Variants in ITGAM observed in about 807,000 individuals in gnomAD.
ITGAM encodes integrin subunit alpha M.
ITGAM carries 79 observed loss-of-function variants against 137.5 expected under a neutral mutation model. The observed-to-expected ratio is 0.57, with a 90% confidence interval of 0.48 to 0.69. The LOEUF is 0.69. Ranked by LOEUF, ITGAM falls within the 30% of genes least tolerant of loss-of-function variation. ITGAM has a pLI of 0.00. For synonymous variants in ITGAM, 583 were observed against 592.3 expected, an observed-to-expected ratio of 0.98 and a Z score of 0.23; for missense variants, 1,343 against 1,483.5, an observed-to-expected ratio of 0.91 and a Z score of 1.56.
At chr16:31,275,211 G>A (rs529622625) in intron 8 of ITGAM, among the ~76,000 whole-genome samples, 9 of 152,106 alleles carry the variant, frequency 5.9e-5, no homozygotes, top group Non-Finnish European at 1.3e-4. Flanking sequence ...GACACAGAAA[G>A]CGATATCACC....
chr16:31,261,226 A>C (rs1344954349), intron 1 of ITGAM, among the ~76,000 whole-genome samples: 1 of 141,534 alleles, frequency 7.1e-6, no homozygotes, highest in Non-Finnish European at 1.5e-5. Context: ...TTTTTGATAC[A>C]GGGTCTTTCT....
chr16:31,271,322 G>A (rs1207896981), intron 6 of ITGAM, among the ~76,000 whole-genome samples: 1 of 152,126 alleles, frequency 6.6e-6, no homozygotes, highest in Non-Finnish European at 1.5e-5. Flanking sequence ...TGAAGCCCAC[G>A]TGTCATTGCT....
intron 22 of ITGAM, among the ~76,000 whole-genome samples, chr16:31,327,837 G>A (rs1189894927): frequency 6.6e-6 from 1 of 152,070 alleles, no homozygotes; most frequent in Non-Finnish European, 1.5e-5. Flanking sequence ...TTTGGGATTT[G>A]CAGTTTCGCC....
At chr16:31,311,611 C>A (rs899810729) in intron 14 of ITGAM, among the ~76,000 whole-genome samples, 1 of 152,114 alleles carries the variant, frequency 6.6e-6, no homozygotes, top group South Asian at 2.1e-4. Flanking sequence ...GTTAGAATGG[C>A]AATCATTAAA....
intron 29 of ITGAM, 127 bp downstream of exon 29, chr16:31,331,402 G>C (rs1318960346): frequency 1.4e-6 from 1 of 700,036 alleles, no homozygotes; most frequent in Non-Finnish European, 2.5e-6. Flanking sequence ...GCCTCTCTGC[G>C]CCTCAGTCTC....
intron 3 of ITGAM, 72 bp from the exon 4 acceptor site, chr16:31,265,739 C>A: frequency 2.2e-6 from 3 of 1,357,710 alleles, no homozygotes; most frequent in Admixed American, 1.9e-5. Flanking sequence ...ATGGAGGTGA[C>A]CCCTGCCCAG....
intron 2 of ITGAM, among the ~76,000 whole-genome samples, chr16:31,262,337 ATCCTTCCTTCCT>A (rs71151462): frequency 0.17 from 15,175 of 88,908 alleles, 1,356 homozygotes; most frequent in Middle Eastern, 0.29. Flanking sequence ...CCTCCCTTCC[ATCCTTCCTTCCT>A]TCCTTCCTTC....
Position 31,327,903 on chromosome 16 carries a change from T to A in ITGAM, c.2709-244T>A, listed in dbSNP as rs1195740636. 5 of 516,316 alleles carry A rather than the reference T, an allele frequency of 9.7e-6. No homozygotes were observed. The East Asian group carries it at 1.6e-4, about 16-fold the overall frequency. 32.0% of individuals were successfully genotyped at this position (516,316 alleles called of 1,614,324 possible). On this transcript the variant is annotated intron_variant, in intron 22 of 29. Transcript: ENST00000544665. Reference sequence around the variant, plus strand: ...TAGAACGATCACTCTTCAGGAGGGCTGGCGATTGGGGTGGGAGCAGGTGTG... The same window carrying A: ...TAGAACGATCACTCTTCAGGAGGGCAGGCGATTGGGGTGGGAGCAGGTGTG...
intron 12 of ITGAM, among the ~76,000 whole-genome samples, chr16:31,287,959 C>T (rs907751409): frequency 8.5e-5 from 13 of 152,206 alleles, no homozygotes; most frequent in East Asian, 3.9e-4. Context: ...CACAAGTACA[C>T]GCACATTACC....
intron 14 of ITGAM, among the ~76,000 whole-genome samples, chr16:31,315,602 C>T (rs1367244576): frequency 6.6e-6 from 1 of 151,990 alleles, no homozygotes; most frequent in East Asian, 1.9e-4. Context: ...GGATTACAGG[C>T]CTCCGCCACC....
rs1408960054 is a variant in ITGAM at position 31,278,001 on chromosome 16, G to A, written c.1248G>A (p.Val416=). 1 of 1,603,578 alleles carries A rather than the reference G, an allele frequency of 6.2e-7. No homozygotes were observed. Among genetic ancestry groups the A allele is most frequent in the Non-Finnish European group, 8.5e-7 (1 of 1,175,134 alleles). Residue 416 remains valine (V), a synonymous_variant, in exon 12 of 30, where the codon GTG becomes GTA. Transcript: ENST00000544665. ...CCGCCATCATCTTACGGAACCGGGT[G>A]CAAAGCCTGGTTCTGGGGGCACCTC... The part of the protein sequence containing the change: ...YAAAIILRNR[V]QSLVLGAPRY...
intron 22 of ITGAM, chr16:31,327,929 A>G: frequency 1.8e-6 from 1 of 560,328 alleles, no homozygotes. Flanking sequence ...AGCAGGTGTG[A>G]ATTCAGGGGA....
At chr16:31,263,645 T>C (rs2079730318) in intron 2 of ITGAM, among the ~76,000 whole-genome samples, 1 of 151,042 alleles carries the variant, frequency 6.6e-6, no homozygotes, top group African/African-American at 2.4e-5. Context: ...GTTTTTCTTA[T>C]CTGTTGGCCA....
rs1242876813 is a variant in ITGAM at position 31,325,261 on chromosome 16, A to C, written c.2364-2A>C. On this transcript the variant is annotated splice_acceptor_variant, in intron 19 of 29. Coordinates refer to ENST00000544665, the MANE Select transcript of ITGAM (RefSeq NM_000632.4). LOFTEE classifies it high-confidence loss of function. Reference sequence around the variant, plus strand: ...CCCCGGCCTGTCTTCTTCTTCCCACAGCCTGGACTGCCTCGTGGTGGGTGG... The same window carrying C: ...CCCCGGCCTGTCTTCTTCTTCCCACCGCCTGGACTGCCTCGTGGTGGGTGG... The C allele has an allele frequency of 6.2e-7, 1 of 1,609,576 alleles. No homozygotes were observed. Among genetic ancestry groups the C allele is most frequent in the Non-Finnish European group, 8.5e-7 (1 of 1,177,716 alleles).
intron 25 of ITGAM, 86 bp from the exon 26 acceptor site, chr16:31,329,995 T>G: frequency 6.5e-7 from 1 of 1,541,182 alleles, no homozygotes; most frequent in Non-Finnish European, 8.8e-7. Context: ...GCTCCGCCCC[T>G]CTCCTGGACC....
intron 14 of ITGAM, among the ~76,000 whole-genome samples, chr16:31,318,857 C>T (rs58656594): frequency 0.14 from 21,616 of 152,008 alleles, 1,680 homozygotes; most frequent in African/African-American, 0.19. Flanking sequence ...GTGTTTATCC[C>T]GAACTTTCCT....
chr16:31,288,805 A>G (rs958296649), intron 12 of ITGAM, among the ~76,000 whole-genome samples: 1 of 152,246 alleles, frequency 6.6e-6, no homozygotes, highest in Non-Finnish European at 1.5e-5. Context: ...AGAAACTACC[A>G]TCAGAGTGAA....
At chr16:31,321,757 C>G (rs552934679) in intron 16 of ITGAM, 130 bp downstream of exon 16, 3 of 939,182 alleles carry the variant, frequency 3.2e-6, no homozygotes, top group East Asian at 2.6e-5. Context: ...CTTCTCCAAG[C>G]CTTACCTGAG....
chr16:31,292,023 A>T (rs1258562491), intron 12 of ITGAM, among the ~76,000 whole-genome samples: 1 of 152,124 alleles, frequency 6.6e-6, no homozygotes, highest in Non-Finnish European at 1.5e-5. Flanking sequence ...CACACATTGT[A>T]TGCTTGTATA....
Sources: gnomAD v4.1 joint callset for allele counts (sites outside exome capture counted in the v4.1 genomes callset) on GRCh38, gnomAD v4.1.1 for gene constraint, MANE v1.5 for transcripts, NCBI Gene and HGNC (gene_info 2026-07-23, HGNC 2026-07-21) for gene names.